The following GLYAT variants were observed in gnomAD, a reference collection of about 807,000 sequenced individuals.
The protein encoded by GLYAT is glycine-N-acyltransferase, also known as glycine N-acyltransferase.
Under a neutral mutation model 22.8 loss-of-function variants are expected in GLYAT, and 25 were observed. That is an observed-to-expected ratio of 1.09 (90% CI 0.80 to 1.53). GLYAT has a LOEUF of 1.53. Ranked by LOEUF, GLYAT falls within the 40% of genes most tolerant of loss-of-function variation. GLYAT has a pLI of 0.00. For missense variants in GLYAT, 411 were observed against 353.9 expected, an observed-to-expected ratio of 1.16 and a Z score of -1.29; for synonymous variants, 140 against 122.7, an observed-to-expected ratio of 1.14 and a Z score of -0.93.
chr11:58,719,377 T>G (rs483101), intron 2 of GLYAT, among the ~76,000 whole-genome samples: 101,651 of 151,752 alleles, frequency 0.67, 36,255 homozygotes, highest in Middle Eastern at 0.87. Flanking sequence ...AAAATGTAAC[T>G]TCCTTAAGCC....
intron 2 of GLYAT, among the ~76,000 whole-genome samples, chr11:58,718,293 CAA>C (rs1465451084): frequency 6.6e-6 from 1 of 151,952 alleles, no homozygotes; most frequent in Non-Finnish European, 1.5e-5. Flanking sequence ...AAACATGCTC[CAA>C]AGTTTGTTCA....
chr11:58,712,707 A>G, intron 4 of GLYAT, 53 bp downstream of exon 4: 1 of 1,544,744 alleles, frequency 6.5e-7, no homozygotes. Context: ...TCATATGAAA[A>G]CTTGCTCAGG....
intron 3 of GLYAT, 34 bp from the exon 4 acceptor site, chr11:58,712,920 T>A: frequency 2.1e-6 from 3 of 1,416,980 alleles, no homozygotes; most frequent in Non-Finnish European, 2.9e-6. Flanking sequence ...ATAAAACACA[T>A]CCTTATATTT....
At chr11:58,711,200 GC>G (rs1166252558) in intron 4 of GLYAT, among the ~76,000 whole-genome samples, 1 of 152,078 alleles carries the variant, frequency 6.6e-6, no homozygotes, top group East Asian at 1.9e-4. Context: ...CAAGTTACTT[GC>G]CCCTTCCTTT....
intron 5 of GLYAT, 59 bp downstream of exon 5, chr11:58,710,531 G>A (rs772243319): frequency 2.9e-5 from 36 of 1,251,022 alleles, no homozygotes; most frequent in Non-Finnish European, 3.8e-5. Flanking sequence ...TGCAGGGAGA[G>A]AAGTTGGGAG....
intron 1 of GLYAT, among the ~76,000 whole-genome samples, chr11:58,728,889 A>AAG (rs1565061058): frequency 8.3e-4 from 84 of 101,300 alleles, no homozygotes; most frequent in East Asian, 6.3e-3. Context: ...AAAGAAAGAA[A>AAG]GAAGGAAGGA....
chr11:58,713,639 A>C (rs1421710308), intron 3 of GLYAT, among the ~76,000 whole-genome samples: 2 of 152,170 alleles, frequency 1.3e-5, no homozygotes, highest in Non-Finnish European at 2.9e-5. Flanking sequence ...CTTACACGGA[A>C]AGAGCTTCTC....
chr11:58,710,332 G>T, intron 5 of GLYAT, 164 bp from the exon 6 acceptor site: 1 of 1,210,784 alleles, frequency 8.3e-7, no homozygotes, highest in Non-Finnish European at 1.1e-6. Flanking sequence ...GAAGGTCAGA[G>T]CTGTTGGAGG....
chr11:58,724,764 T>A (rs949769064), intron 1 of GLYAT, among the ~76,000 whole-genome samples: 2 of 152,168 alleles, frequency 1.3e-5, no homozygotes, highest in African/African-American at 4.8e-5. Flanking sequence ...AAGTACATTT[T>A]TAAATACACA....
chr11:58,717,154 C>T (rs1261548626), intron 2 of GLYAT, among the ~76,000 whole-genome samples: 2 of 151,556 alleles, frequency 1.3e-5, no homozygotes, highest in African/African-American at 4.9e-5. Flanking sequence ...TTTTATATGC[C>T]CCCCATCCTT....
In GLYAT at chr11:58,728,889, AGAAGGAAGGAAGGAAGGAAG is replaced by A. The variant is rs71064488; in HGVS notation, c.-16+2926_-16+2945del. Among the ~76,000 whole-genome samples, 824 of 101,262 alleles carry A rather than the reference AGAAGGAAGGAAGGAAGGAAG, an allele frequency of 8.1e-3. 10 individuals carry two copies. The highest frequency in any genetic ancestry group is 0.011 in the South Asian group (29 of 2,652). 66.4% of individuals were successfully genotyped at this position (101,262 alleles called of 152,430 possible). A position where few individuals can be genotyped will look rare whatever the true frequency, so the allele number is the denominator to read the frequency against. ...AAGAAAGAAAGAAAGAAAGAAAGAA[AGAAGGAAGGAAGGAAGGAAG>A]GAAGGAAGGAAGGAAGGAAGGAAGG... On this transcript the variant is annotated intron_variant, in intron 1 of 5. Transcript: ENST00000344743.
intron 1 of GLYAT, among the ~76,000 whole-genome samples, chr11:58,725,543 CT>C: frequency 6.6e-6 from 1 of 152,116 alleles, no homozygotes; most frequent in East Asian, 1.9e-4. Context: ...AAAGCCTTTA[CT>C]GGTGGTGCAT....
chr11:58,713,314 A>G (rs1481734571), intron 3 of GLYAT, among the ~76,000 whole-genome samples: 14 of 152,152 alleles, frequency 9.2e-5, no homozygotes, highest in Admixed American at 8.5e-4. Flanking sequence ...TATGTTGGAA[A>G]ATTCCAGAAC....
chr11:58,714,511 A>G (rs896487117), intron 3 of GLYAT, among the ~76,000 whole-genome samples: 1 of 152,138 alleles, frequency 6.6e-6, no homozygotes, highest in Non-Finnish European at 1.5e-5. Context: ...TGCTTTTCAT[A>G]GTTGATATGG....
At chr11:58,729,934 A>G (rs1157110668) in intron 1 of GLYAT, among the ~76,000 whole-genome samples, 5 of 152,164 alleles carry the variant, frequency 3.3e-5, no homozygotes, top group Non-Finnish European at 5.9e-5. Context: ...TTTTCTGAAG[A>G]GTAGAGTTTG....
At chr11:58,722,494 A>G (rs375196904) in intron 2 of GLYAT, among the ~76,000 whole-genome samples, 17 of 152,200 alleles carry the variant, frequency 1.1e-4, no homozygotes, top group African/African-American at 3.8e-4. Context: ...AAGAAGGGAC[A>G]TTTTGAAGCA....
chr11:58,715,956 A>G (rs1360835915), intron 2 of GLYAT, among the ~76,000 whole-genome samples: 1 of 152,144 alleles, frequency 6.6e-6, no homozygotes, highest in Non-Finnish European at 1.5e-5. Flanking sequence ...TTGCTGGTTT[A>G]AAGGCTATAT....
At chr11:58,710,266 T>C in intron 5 of GLYAT, 98 bp from the exon 6 acceptor site, 2 of 1,475,220 alleles carry the variant, frequency 1.4e-6, no homozygotes, top group Non-Finnish European at 1.8e-6. Flanking sequence ...ACAGAAGAAA[T>C]AACAAATGTG....
At chr11:58,713,092 T>G (rs1236369912) in intron 3 of GLYAT, among the ~76,000 whole-genome samples, 1 of 152,084 alleles carries the variant, frequency 6.6e-6, no homozygotes, top group African/African-American at 2.4e-5. Context: ...CAAGTCATAG[T>G]TTTCATCATC....
Sources: allele counts gnomAD v4.1 joint callset (sites outside exome capture counted in the v4.1 genomes callset), GRCh38; gene constraint gnomAD v4.1.1; transcripts MANE v1.5; gene names NCBI Gene and HGNC (gene_info 2026-07-23, HGNC 2026-07-21).